The following BBS9 variants were observed in gnomAD, a reference collection of about 807,000 sequenced individuals.
BBS9 encodes the protein Bardet-Biedl syndrome 9.
A neutral mutation model predicts 117.7 loss-of-function variants in BBS9; 89 were observed. The observed-to-expected ratio is 0.76, with a 90% CI of 0.64 to 0.90. The LOEUF (loss-of-function observed/expected upper bound fraction) is 0.90, where lower values mean the gene tolerates loss of function less well. Among genes scored for constraint, BBS9 ranks in the 40% least tolerant of loss-of-function variants. BBS9 has a pLI of 0.00. For missense variants in BBS9, 982 were observed against 1,042.2 expected, an observed-to-expected ratio of 0.94 and a Z score of 0.80; for synonymous variants, 379 against 370.9, an observed-to-expected ratio of 1.02 and a Z score of -0.25.
chr7:33,237,951 G>C (rs1033049311), intron 5 of BBS9, among the ~76,000 whole-genome samples: 4 of 152,140 alleles, frequency 2.6e-5, no homozygotes, highest in African/African-American at 7.2e-5. Context: ...TGCTCTTTCT[G>C]TCCTCTCTTC....
intron 16 of BBS9, among the ~76,000 whole-genome samples, chr7:33,367,282 A>G (rs974240173): frequency 2.0e-5 from 3 of 152,100 alleles, no homozygotes; most frequent in Non-Finnish European, 2.9e-5. Context: ...AATAGTGACC[A>G]TTTGTTTTTA....
intron 5 of BBS9, among the ~76,000 whole-genome samples, chr7:33,248,650 A>T (rs1245930852): frequency 2.6e-5 from 4 of 152,214 alleles, no homozygotes; most frequent in Non-Finnish European, 4.4e-5. Context: ...GTCTTTGTTC[A>T]TAGCAAACAT....
At chr7:33,374,339 T>C (rs1823409205) in intron 17 of BBS9, among the ~76,000 whole-genome samples, 1 of 152,148 alleles carries the variant, frequency 6.6e-6, no homozygotes, top group Non-Finnish European at 1.5e-5. Context: ...GTGACAGTCC[T>C]TTAATGAGGT....
At chr7:33,238,494 A>C (rs898880285) in intron 5 of BBS9, among the ~76,000 whole-genome samples, 2 of 152,020 alleles carry the variant, frequency 1.3e-5, no homozygotes, top group Non-Finnish European at 2.9e-5. Context: ...GGGTTTCTCC[A>C]TGTTGGTCAG....
At chr7:33,611,985 C>A (rs1346053757) in intron 21 of BBS9, among the ~76,000 whole-genome samples, 2 of 151,118 alleles carry the variant, frequency 1.3e-5, no homozygotes, top group Non-Finnish European at 2.9e-5. Flanking sequence ...GAGTCCCTCC[C>A]ATCAGTTGCA....
At chr7:33,274,587 T>G (rs992875116) in intron 9 of BBS9, among the ~76,000 whole-genome samples, 1 of 152,230 alleles carries the variant, frequency 6.6e-6, no homozygotes, top group Non-Finnish European at 1.5e-5. Flanking sequence ...TCTTAGATTA[T>G]GTTTAGGAAT....
At chr7:33,583,024 T>C (rs1860257607) in intron 21 of BBS9, among the ~76,000 whole-genome samples, 1 of 152,174 alleles carries the variant, frequency 6.6e-6, no homozygotes, top group Non-Finnish European at 1.5e-5. Context: ...CTTGTTTCAT[T>C]TTGCTGGTAT....
chr7:33,180,757 A>G (rs77353993), intron 5 of BBS9, among the ~76,000 whole-genome samples: 3,433 of 152,232 alleles, frequency 0.023, 137 homozygotes, highest in African/African-American at 0.078. Flanking sequence ...CTCCTGGAGA[A>G]CAGGTCTCCA....
In BBS9 at chr7:33,237,977, T is replaced by C. The variant is rs150144806; in HGVS notation, c.443-19259T>C. On this transcript the variant is annotated intron_variant, in intron 5 of 22. Transcript: ENST00000242067. ...TCCTCTCTTCTCTTCCTCTCCTCCC[T>C]CATCCTCAAGAATAGAGAGCCATTT... Among the ~76,000 whole-genome samples, 133 of 152,302 alleles carry C rather than the reference T, an allele frequency of 8.7e-4. 1 individual carries two copies. In the East Asian group the frequency reaches 0.024, roughly 27 times the overall value.
At chr7:33,387,680 G>T (rs1305737236) in intron 18 of BBS9, among the ~76,000 whole-genome samples, 1 of 151,962 alleles carries the variant, frequency 6.6e-6, no homozygotes, top group Non-Finnish European at 1.5e-5. Context: ...CATTGATTTT[G>T]CTGTAAAGAA....
At chr7:33,403,650 A>C (rs1360127983) in intron 19 of BBS9, among the ~76,000 whole-genome samples, 2 of 151,374 alleles carry the variant, frequency 1.3e-5, no homozygotes, top group South Asian at 2.1e-4. Flanking sequence ...TGAACTCATC[A>C]TTTTTTATGG....
At chr7:33,594,863 C>T (rs1010591976) in intron 21 of BBS9, among the ~76,000 whole-genome samples, 5 of 152,054 alleles carry the variant, frequency 3.3e-5, no homozygotes, top group African/African-American at 1.2e-4. Context: ...AATGTCTGCT[C>T]AGTGAGTGCC....
intron 20 of BBS9, among the ~76,000 whole-genome samples, chr7:33,527,711 C>A (rs527318502): frequency 3.3e-5 from 5 of 152,334 alleles, no homozygotes; most frequent in East Asian, 1.9e-4. Flanking sequence ...CCGTCTTCTG[C>A]GTCGCTCACG....
At chr7:33,189,930 C>T (rs941940991) in intron 5 of BBS9, among the ~76,000 whole-genome samples, 7 of 151,306 alleles carry the variant, frequency 4.6e-5, no homozygotes, top group Non-Finnish European at 1.0e-4. Flanking sequence ...CTATGTTGCC[C>T]AGGCTGGTCT....
chr7:33,510,164 G>A (rs1175752054), intron 20 of BBS9, among the ~76,000 whole-genome samples: 1 of 152,016 alleles, frequency 6.6e-6, no homozygotes, highest in Non-Finnish European at 1.5e-5. Flanking sequence ...ATAAAGAAGT[G>A]TCACCCAAAA....
At chr7:33,259,494 G>T (rs1322748361) in intron 6 of BBS9, among the ~76,000 whole-genome samples, 3 of 151,860 alleles carry the variant, frequency 2.0e-5, no homozygotes, top group Non-Finnish European at 4.4e-5. Context: ...GGCACACTTT[G>T]AGCACCATTT....
chr7:33,434,936 G>A (rs2128884937), intron 19 of BBS9, among the ~76,000 whole-genome samples: 1 of 152,168 alleles, frequency 6.6e-6, no homozygotes, highest in South Asian at 2.1e-4. Context: ...TTAAATTAAA[G>A]TATTGTGACT....
rs145435891 is a variant in BBS9, at chr7:33,533,977, C to T, written c.2322C>T (p.Ala774=). ...AGGGCTGGGAAGAAACGGTGGATGC[C>T]GCCATTTCCCACCTGTTGAAGACTT... ...QELGWEETVD[A]AISHLLKTCL... Residue 774 remains alanine, a synonymous_variant, in exon 21 of 23, where the codon GCC becomes GCT. Transcript: ENST00000242067. 106 of 1,614,150 alleles carry T rather than the reference C, an allele frequency of 6.6e-5. No individual in the cohort carries two copies. In the African/African-American group the frequency reaches 1.1e-3, roughly 16 times the overall value.
At chr7:33,213,941 A>G (rs547330212) in intron 5 of BBS9, among the ~76,000 whole-genome samples, 36 of 152,142 alleles carry the variant, frequency 2.4e-4, no homozygotes, top group Middle Eastern at 3.4e-3. Flanking sequence ...TGCACTGTCT[A>G]GGGTTGGGGT....
Sources: gnomAD v4.1 joint callset for allele counts (sites outside exome capture counted in the v4.1 genomes callset) on GRCh38, gnomAD v4.1.1 for gene constraint, MANE v1.5 for transcripts, NCBI Gene and HGNC (gene_info 2026-07-23, HGNC 2026-07-21) for gene names.